The following PLCH1 variants were observed in gnomAD, a reference collection of about 807,000 sequenced individuals.
PLCH1 encodes the protein phospholipase C eta 1, also known as 1-phosphatidylinositol 4,5-bisphosphate phosphodiesterase eta-1.
A neutral mutation model predicts 126.7 loss-of-function variants in PLCH1; 60 were observed. The ratio of observed to expected loss-of-function variants is 0.47; its 90% CI spans 0.38 to 0.59. The LOEUF (loss-of-function observed/expected upper bound fraction) is 0.59. Ranked by LOEUF, PLCH1 falls within the 20% of genes least tolerant of loss-of-function variation. PLCH1 has a pLI of 0.00. For synonymous variants in PLCH1, 719 were observed against 734.9 expected (o/e 0.98, Z 0.35); for missense variants, 1,723 against 2,040.0 (o/e 0.84, Z 2.99).
At chr3:155,546,675 T>C (rs1485808664) in intron 10 of PLCH1, among the ~76,000 whole-genome samples, 1 of 151,638 alleles carries the variant, frequency 6.6e-6, no homozygotes, top group East Asian at 1.9e-4. Context: ...AGCATGGTAC[T>C]GGTACCAAAA....
rs538316628 is a variant in PLCH1, at chr3:155,542,343, G to A, written c.1362+7444C>T. On this transcript the variant is annotated intron_variant, in intron 10 of 22. Transcript: ENST00000460012. ...CAGCGAGGCTGGGGGAGGGGAGCCC[G>A]CCATTGCCCAGGCTTGCTTAGGTAA... Among the ~76,000 whole-genome samples, 17 of 152,336 alleles carry A rather than the reference G, an allele frequency of 1.1e-4. No homozygotes were observed. In the South Asian group the frequency reaches 1.4e-3, roughly 13 times the overall value.
In PLCH1 at chr3:155,566,122, T is replaced by C. The variant is rs964065231; in HGVS notation, c.866-1004A>G. On this transcript the variant is annotated intron_variant, in intron 7 of 22. Transcript: ENST00000460012. ...CCTAATATATATATACATATATATA[T>C]GTATATATACATATATATGTATATA... is the stretch of plus-strand genomic sequence containing the variant. Among the ~76,000 whole-genome samples, 101 of 139,160 alleles carry C rather than the reference T, an allele frequency of 7.3e-4. 1 individual carries two copies. The highest frequency in any genetic ancestry group is 2.4e-3 in the African/African-American group (89 of 36,338). 91.3% of individuals were successfully genotyped at this position (139,160 alleles called of 152,430 possible). A position where few individuals can be genotyped will look rare whatever the true frequency, so the allele number is the denominator to read the frequency against.
intron 2 of PLCH1, among the ~76,000 whole-genome samples, chr3:155,701,715 T>C (rs1746286965): frequency 6.6e-6 from 1 of 152,194 alleles, no homozygotes; most frequent in African/African-American, 2.4e-5. Context: ...TCAGAAATGT[T>C]CTGAAATCCT....
intron 8 of PLCH1, among the ~76,000 whole-genome samples, chr3:155,557,606 T>C (rs1401300111): frequency 6.6e-6 from 1 of 152,194 alleles, no homozygotes; most frequent in South Asian, 2.1e-4. Flanking sequence ...GTGGCATTCG[T>C]GGCCAGGTTC....
intron 2 of PLCH1, among the ~76,000 whole-genome samples, chr3:155,697,053 T>C (rs1046122077): frequency 6.6e-6 from 1 of 152,186 alleles, no homozygotes; most frequent in Non-Finnish European, 1.5e-5. Flanking sequence ...ATAAATGACC[T>C]TGCATAGAAA....
chr3:155,521,298 A>G (rs1721077093), intron 11 of PLCH1, among the ~76,000 whole-genome samples: 2 of 152,150 alleles, frequency 1.3e-5, no homozygotes, highest in Non-Finnish European at 2.9e-5. Flanking sequence ...ATTGATGTGT[A>G]AACTTCACAA....
chr3:155,727,079 C>G (rs1224076588), intron 1 of PLCH1, among the ~76,000 whole-genome samples: 1 of 151,700 alleles, frequency 6.6e-6, no homozygotes, highest in Non-Finnish European at 1.5e-5. Flanking sequence ...AATTCATTCA[C>G]TCTCTTATTT....
At chr3:155,543,241 G>A (rs1442580402) in intron 10 of PLCH1, among the ~76,000 whole-genome samples, 1 of 152,226 alleles carries the variant, frequency 6.6e-6, no homozygotes, top group Non-Finnish European at 1.5e-5. Context: ...CATGAAGAAT[G>A]CAGAAGCCTC....
intron 2 of PLCH1, among the ~76,000 whole-genome samples, chr3:155,647,002 CCTAT>C (rs1285077879): frequency 6.6e-6 from 1 of 152,160 alleles, no homozygotes; most frequent in Non-Finnish European, 1.5e-5. Context: ...CTTTGTGACT[CCTAT>C]CTAACAAATA....
At chr3:155,483,778 A>G (rs1212936512) in intron 22 of PLCH1, among the ~76,000 whole-genome samples, 1 of 152,148 alleles carries the variant, frequency 6.6e-6, no homozygotes, top group African/African-American at 2.4e-5. Context: ...GTAAAGGAAA[A>G]CCATAAAAAC....
chr3:155,621,012 C>T lies in PLCH1; in HGVS notation c.80-24634G>A, dbSNP rs143535256. On this transcript the variant is annotated intron_variant, in intron 2 of 22. Transcript: ENST00000460012. ...CTGACAGACAACTCATACAGGATAG[C>T]CCTGGCTCGCATCTGGCGGGTGCCC... Among the ~76,000 whole-genome samples the T allele has an allele frequency of 6.6e-3, 999 of 152,248 alleles. 16 individuals carry two copies. The highest frequency in any genetic ancestry group is 0.023 in the African/African-American group (944 of 41,518).
At chr3:155,567,462 C>T (rs1157834835) in intron 7 of PLCH1, among the ~76,000 whole-genome samples, 1 of 152,174 alleles carries the variant, frequency 6.6e-6, no homozygotes, top group Non-Finnish European at 1.5e-5. Context: ...CTTGTTCACA[C>T]TGATCTGGGA....
chr3:155,473,614 C>A (rs1174053473), intron 21 of PLCH1, among the ~76,000 whole-genome samples: 1 of 151,812 alleles, frequency 6.6e-6, no homozygotes, highest in Non-Finnish European at 1.5e-5. Context: ...GCCCGCATCG[C>A]CAAGGAAATC....
chr3:155,702,596 T>C (rs1746357718), intron 2 of PLCH1, among the ~76,000 whole-genome samples: 1 of 152,066 alleles, frequency 6.6e-6, no homozygotes, highest in Non-Finnish European at 1.5e-5. Flanking sequence ...AATACGACTA[T>C]AAAAATACAT....
chr3:155,451,789 T>C (rs1190284307), intron 21 of PLCH1, among the ~76,000 whole-genome samples: 2 of 152,304 alleles, frequency 1.3e-5, no homozygotes, highest in African/African-American at 4.8e-5. Flanking sequence ...GTCTTCTGCT[T>C]TTGGGCCTAA....
chr3:155,481,605 G>A lies in PLCH1; in HGVS notation c.4421C>T (p.Pro1474Leu). The change falls in exon 23 of 23, where the codon CCT becomes CTT. Residue 1474 changes from proline to leucine, a missense_variant. Pro to Leu is a moderately conservative substitution (Grantham distance 98). This residue lies in a region of PLCH1 where 947 missense variants were observed against 977.1 expected (regional missense o/e 0.97). Coordinates refer to ENST00000460012, the MANE Select transcript of PLCH1 (RefSeq NM_014996.4). The surrounding 1 kb of genome is among the most constrained non-coding windows in gnomAD (Gnocchi z 4.2). ...GCAAGGACTAGGCAGTTTCAGAGCAGGCAAAGGAAGATGTGCCAACTGCTT... is the reference window on the plus strand; with the variant it reads ...GCAAGGACTAGGCAGTTTCAGAGCAAGCAAAGGAAGATGTGCCAACTGCTT... ...VPKQLAHLPLPALKLPSPCKS... is the reference protein window; with the variant it reads ...VPKQLAHLPLLALKLPSPCKS... 2 of 1,614,146 alleles carry A rather than the reference G, an allele frequency of 1.2e-6. No homozygotes were observed. The highest frequency in any genetic ancestry group is 8.5e-7 in the Non-Finnish European group (1 of 1,180,040).
chr3:155,613,854 T>C (rs1735448016), intron 2 of PLCH1, among the ~76,000 whole-genome samples: 1 of 152,100 alleles, frequency 6.6e-6, no homozygotes, highest in Non-Finnish European at 1.5e-5. Flanking sequence ...AAAGAGGAAG[T>C]TGAACTGTCA....
intron 11 of PLCH1, among the ~76,000 whole-genome samples, chr3:155,521,582 T>C (rs1721111958): frequency 1.3e-5 from 2 of 152,198 alleles, no homozygotes; most frequent in Non-Finnish European, 2.9e-5. Context: ...TCATATAAAC[T>C]ATCCAAAGTA....
At chr3:155,586,524 T>C (rs1026268324) in intron 4 of PLCH1, among the ~76,000 whole-genome samples, 1 of 151,996 alleles carries the variant, frequency 6.6e-6, no homozygotes, top group Admixed American at 6.5e-5. Flanking sequence ...CTGGCCAACA[T>C]GGTGAAACCC....
Sources: allele counts gnomAD v4.1 joint callset (sites outside exome capture counted in the v4.1 genomes callset), GRCh38; gene constraint gnomAD v4.1.1; regional missense constraint gnomAD v4.1.1; non-coding constraint Gnocchi (gnomAD v3.1); transcripts MANE v1.5; gene names NCBI Gene and HGNC (gene_info 2026-07-23, HGNC 2026-07-21).